PFAS: variants seen among roughly 807,000 people sequenced by gnomAD.
The protein encoded by PFAS is FGAM synthase.
A neutral mutation model predicts 140.6 loss-of-function variants in PFAS; 97 were observed. The observed-to-expected ratio is 0.69, with a 90% CI of 0.59 to 0.82. PFAS has a LOEUF of 0.82. Ranked by LOEUF, PFAS falls within the 40% of genes least tolerant of loss-of-function variation. PFAS has a pLI of 0.00. For missense variants in PFAS, 1,656 were observed against 1,780.2 expected, an observed-to-expected ratio of 0.93 and a Z score of 1.26; for synonymous variants, 679 against 718.8, an observed-to-expected ratio of 0.94 and a Z score of 0.88.
In PFAS at chr17:8,263,474, C is replaced by G. The variant is rs113912737; in HGVS notation, c.1568-101C>G. 122 of 1,132,272 alleles carry G rather than the reference C, an allele frequency of 1.1e-4. 1 individual carries two copies. In the African/African-American group the frequency reaches 1.5e-3, roughly 14 times the overall value. The allele number at this position is 1,132,272 out of a possible 1,614,324, so 70.1% of individuals were successfully genotyped here. A position where few individuals can be genotyped will look rare whatever the true frequency, so the allele number is the denominator to read the frequency against. ...GGTAAGGGTGCGGCAGCAGTTGACA[C>G]AGGAACACACCAAATTACAGGCCCC... On this transcript the variant is annotated intron_variant, in intron 13 of 27. Coordinates refer to ENST00000314666, the MANE Select transcript of PFAS (RefSeq NM_012393.3).
Position 8,253,884 on chromosome 17 carries a change from G to C in PFAS, c.-54G>C. 1.3e-6 allele frequency: 2 copies of C among 1,567,490 alleles called. No homozygotes were observed. Among genetic ancestry groups the C allele is most frequent in the South Asian group, 2.4e-5 (2 of 84,966 alleles). On this transcript the variant is annotated 5_prime_UTR_variant, in exon 2 of 28. Coordinates refer to ENST00000314666, the MANE Select transcript of PFAS (RefSeq NM_012393.3). ...GAACCTAATTCATCTCTCCAGCAAA[G>C]GACACATCTCTCCAGCAAAGGACAC...
intron 1 of PFAS, among the ~76,000 whole-genome samples, chr17:8,251,656 G>C (rs900081597): frequency 7.0e-6 from 1 of 143,032 alleles, no homozygotes. Context: ...TTCAGGATCT[G>C]CTTAAGCAAT....
In PFAS at chr17:8,253,890, A is replaced by C. The variant is rs28523368; in HGVS notation, c.-48A>C. 40 of 1,574,508 alleles carry C rather than the reference A, an allele frequency of 2.5e-5. No individual in the cohort carries two copies. The Admixed American group carries it at 4.6e-4, about 18-fold the overall frequency. On this transcript the variant is annotated 5_prime_UTR_variant, in exon 2 of 28. Coordinates refer to ENST00000314666, the MANE Select transcript of PFAS (RefSeq NM_012393.3). ...AATTCATCTCTCCAGCAAAGGACACATCTCTCCAGCAAAGGACACCTCTCT... is the reference window on the plus strand; with the variant it reads ...AATTCATCTCTCCAGCAAAGGACACCTCTCTCCAGCAAAGGACACCTCTCT...
chr17:8,253,894 C>T lies in PFAS; in HGVS notation c.-44C>T, dbSNP rs368056582. On this transcript the variant is annotated 5_prime_UTR_variant, in exon 2 of 28. Transcript: ENST00000314666. ...CATCTCTCCAGCAAAGGACACATCT[C>T]TCCAGCAAAGGACACCTCTCTCCAG... The T allele has an allele frequency of 6.3e-7, 1 of 1,581,482 alleles. No individual in the cohort carries two copies. The highest frequency in any genetic ancestry group is 8.6e-7 in the Non-Finnish European group (1 of 1,161,712).
intron 1 of PFAS, among the ~76,000 whole-genome samples, chr17:8,253,255 G>T (rs1306695145): frequency 6.6e-6 from 1 of 152,186 alleles, no homozygotes; most frequent in Non-Finnish European, 1.5e-5. Context: ...AGAGCAGACA[G>T]AGTTTCTGTC....
rs766599476 is a variant in PFAS at position 8,258,057 on chromosome 17, T to G, written c.1208-14T>G. The G allele has an allele frequency of 1.9e-6, 3 of 1,614,142 alleles. No individual in the cohort carries two copies. Among genetic ancestry groups the G allele is most frequent in the Non-Finnish European group, 2.5e-6 (3 of 1,180,016 alleles). On this transcript the variant is annotated splice_polypyrimidine_tract_variant and intron_variant, in intron 10 of 27. Coordinates refer to ENST00000314666, the MANE Select transcript of PFAS (RefSeq NM_012393.3). ...GGAACTGAGTGACAGGTCCCTCTGA[T>G]GTTCACACTCCAGGCTTCGCCCGCT...
chr17:8,260,920 G>A (rs1027905778), intron 11 of PFAS, among the ~76,000 whole-genome samples: 4 of 151,956 alleles, frequency 2.6e-5, no homozygotes, highest in South Asian at 2.1e-4. Context: ...CACCGCGCCC[G>A]GCCTATGTAC....
Position 8,267,118 on chromosome 17 carries a change from C to A in PFAS, c.3058C>A (p.Arg1020=), listed in dbSNP as rs373763703. Residue 1020 remains arginine, a synonymous_variant, in exon 24 of 28, where the codon CGG becomes AGG. Transcript: ENST00000314666. The surrounding 1 kb of genome is among the most constrained non-coding windows in gnomAD (Gnocchi z 4.9). ...GGAGGAGACGAGTTTCCAGCTGGAC[C>A]GGCTACAGGCAGAGCCTCGCTGTGT... ...LWEETSFQLD[R]LQAEPRCVAE... is the part of the protein sequence containing the mutation. The A allele has an allele frequency of 4.3e-6, 7 of 1,613,214 alleles. No individual in the cohort carries two copies. The highest frequency in any genetic ancestry group is 1.7e-5 in the Admixed American group (1 of 59,934).
Position 8,269,359 on chromosome 17 carries a change from C to G in PFAS, c.*95C>G. 1.1e-6 allele frequency: 1 copy of G among 870,648 alleles called. No homozygotes were observed. Among genetic ancestry groups the G allele is most frequent in the Non-Finnish European group, 1.8e-6 (1 of 565,196 alleles). The allele number at this position is 870,648 out of a possible 1,614,324, so 53.9% of individuals were successfully genotyped here. A position where few individuals can be genotyped will look rare whatever the true frequency, so the allele number is the denominator to read the frequency against. On this transcript the variant is annotated 3_prime_UTR_variant, in exon 28 of 28. Coordinates refer to ENST00000314666, the MANE Select transcript of PFAS (RefSeq NM_012393.3). Reference sequence around the variant, plus strand: ...CTTCAGGAGCACCCCATATTATTTCCAAAAATATCTTGGACAGACAAGGAC... The same window carrying G: ...CTTCAGGAGCACCCCATATTATTTCGAAAAATATCTTGGACAGACAAGGAC...
rs1989840640 is a variant in PFAS at position 8,266,954 on chromosome 17, C to T, written c.2967+56C>T. The T allele has an allele frequency of 4.5e-5, 72 of 1,599,210 alleles. No homozygotes were observed. Among genetic ancestry groups the T allele is most frequent in the Non-Finnish European group, 6.0e-5 (70 of 1,174,314 alleles). The stretch of plus-strand genomic sequence containing the variant: ...GTGGGCAGTCAGAGTGGGGTGGCCG[C>T]GGTCCATCCCTCTCCCACTGTGGAG... On this transcript the variant is annotated intron_variant, in intron 23 of 27. Coordinates refer to ENST00000314666, the MANE Select transcript of PFAS (RefSeq NM_012393.3). The surrounding 1 kb of genome is among the most constrained non-coding windows in gnomAD (Gnocchi z 5.0).
Position 8,255,696 on chromosome 17 carries a change from G to A in PFAS, c.574+5G>A, listed in dbSNP as rs1424901454. On this transcript the variant is annotated splice_donor_5th_base_variant and intron_variant, in intron 5 of 27. Transcript: ENST00000314666. ...AGAAGGCCAACCAGGAGCTTGGTGA[G>A]TAGCTGGGGAGGGAGATGTAGGGTC... 4 of 1,586,116 alleles carry A rather than the reference G, an allele frequency of 2.5e-6. No homozygotes were observed. The highest frequency in any genetic ancestry group is 2.6e-6 in the Non-Finnish European group (3 of 1,167,452).
At chr17:8,247,670 G>T, upstream of PFAS, 1 of 262,728 alleles carries the variant, frequency 3.8e-6, no homozygotes, top group Non-Finnish European at 7.4e-6. Flanking sequence ...ACTTATTATG[G>T]TTGCCCTTTT....
Position 8,266,934 on chromosome 17 carries a change from C to T in PFAS, c.2967+36C>T. ...GAGGGAGAGAGCGGTGTGCAGTGGG[C>T]AGTCAGAGTGGGGTGGCCGCGGTCC... On this transcript the variant is annotated intron_variant, in intron 23 of 27. Coordinates refer to ENST00000314666, the MANE Select transcript of PFAS (RefSeq NM_012393.3). This position sits in a 1 kb window ranked among gnomAD's most constrained non-coding sequence, Gnocchi z 5.0. 6.3e-7 allele frequency: 1 copy of T among 1,598,400 alleles called. No individual in the cohort carries two copies. The highest frequency in any genetic ancestry group is 1.1e-5 in the South Asian group (1 of 89,926).
rs749761431 is a variant in PFAS, at chr17:8,267,160, G to C, written c.3100G>C (p.Gly1034Arg). 3 of 1,610,670 alleles carry C rather than the reference G, an allele frequency of 1.9e-6. No individual in the cohort carries two copies. The highest frequency in any genetic ancestry group is 4.5e-5 in the East Asian group (2 of 44,800). Residue 1034 changes from glycine (G) to arginine (R), a missense_variant, in exon 24 of 28, where the codon GGC (glycine) becomes CGC (arginine). Gly to Arg is a moderately radical substitution (Grantham distance 125). Around this residue, in one of 2 missense-constraint regions of PFAS, gnomAD observed 883 missense variants for 1,023.0 expected, o/e 0.86. Transcript: ENST00000314666. The surrounding 1 kb of genome is among the most constrained non-coding windows in gnomAD (Gnocchi z 4.9). ...TCGCTGTGTGGCAGAGGAGGAACGG[G>C]GCCTGAGGGAGCGGATGGGGCCCAG... ...EPRCVAEEERGLRERMGPSYC... is the reference protein window; with the variant it reads ...EPRCVAEEERRLRERMGPSYC...
At position 8,249,321 on chromosome 17, in the gene PFAS, C is replaced by G. The variant is rs1989033272; in HGVS notation, c.-98C>G. 6.6e-6 allele frequency: 1 copy of G among 152,240 alleles called. No homozygotes were observed. Among genetic ancestry groups the G allele is most frequent in the African/African-American group, 2.4e-5 (1 of 41,456 alleles). The allele number at this position is 152,240 out of a possible 1,614,324, so 9.4% of individuals were successfully genotyped here. On this transcript the variant is annotated 5_prime_UTR_variant, in exon 1 of 28. Coordinates refer to ENST00000314666, the MANE Select transcript of PFAS (RefSeq NM_012393.3). ...CGCGACGATTCGAGGTGCTCTGTGG[C>G]CGCGAGTGCATCTTCCACGTGAGTA...
chr17:8,257,096 G>A, intron 9 of PFAS, 133 bp downstream of exon 9: 2 of 952,710 alleles, frequency 2.1e-6, no homozygotes, highest in Non-Finnish European at 1.7e-6. Context: ...TAGGATAGCT[G>A]GCCTTTCACT....
intron 11 of PFAS, among the ~76,000 whole-genome samples, chr17:8,261,100 C>T (rs1457267871): frequency 2.0e-5 from 3 of 152,212 alleles, no homozygotes; most frequent in Non-Finnish European, 4.4e-5. Context: ...GTTCCAGTTT[C>T]TCCACATGCT....
intron 9 of PFAS, 132 bp downstream of exon 9, chr17:8,257,095 T>A: frequency 1.0e-6 from 1 of 989,380 alleles, no homozygotes; most frequent in Non-Finnish European, 1.6e-6. Context: ...CTAGGATAGC[T>A]GGCCTTTCAC....
chr17:8,258,603 G>T (rs1289942422), intron 11 of PFAS, among the ~76,000 whole-genome samples: 1 of 152,164 alleles, frequency 6.6e-6, no homozygotes, highest in Non-Finnish European at 1.5e-5. Flanking sequence ...CACTTTGGGA[G>T]ACTGAGACAG....
Sources: gnomAD v4.1 joint callset for allele counts (sites outside exome capture counted in the v4.1 genomes callset) on GRCh38, gnomAD v4.1.1 for gene constraint, gnomAD v4.1.1 regional missense constraint, Gnocchi (gnomAD v3.1) non-coding constraint, MANE v1.5 for transcripts, NCBI Gene and HGNC (gene_info 2026-07-23, HGNC 2026-07-21) for gene names.